Variants in WDR7 observed in about 807,000 individuals in gnomAD.
The protein encoded by WDR7 is WD repeat domain 7.
WDR7 carries 46 observed loss-of-function variants against 169.4 expected under a neutral mutation model. The observed-to-expected ratio is 0.27, with a 90% CI of 0.21 to 0.35. The LOEUF (loss-of-function observed/expected upper bound fraction) is 0.35. Ranked by LOEUF, WDR7 falls within the 10% of genes least tolerant of loss-of-function variation. WDR7 has a pLI of 1.00. For missense variants in WDR7, 1,534 were observed against 1,859.3 expected (o/e 0.83, Z 3.22); for synonymous variants, 612 against 666.8 (o/e 0.92, Z 1.27).
rs562048839 is a variant in WDR7 at position 56,702,944 on chromosome 18, G to A, written c.1578+6482G>A. The stretch of plus-strand genomic sequence containing the variant: ...AGAATTATTCAGAACAGAAGTTTTC[G>A]AAAATGCCGAAAAATAAACTGTTTA... On this transcript the variant is annotated intron_variant, in intron 12 of 27. Transcript: ENST00000254442. Among the ~76,000 whole-genome samples, 4 of 152,234 alleles carry A rather than the reference G, an allele frequency of 2.6e-5. No homozygotes were observed. In the East Asian group the frequency reaches 7.7e-4, roughly 29 times the overall value.
At chr18:56,883,170 A>G (rs1393235982) in intron 21 of WDR7, among the ~76,000 whole-genome samples, 1 of 148,932 alleles carries the variant, frequency 6.7e-6, no homozygotes, top group Non-Finnish European at 1.5e-5. Flanking sequence ...AGGTGGCGCC[A>G]CTGCCCTCCA....
chr18:56,692,547 T>A (rs1311359791), intron 9 of WDR7, among the ~76,000 whole-genome samples: 1 of 151,748 alleles, frequency 6.6e-6, no homozygotes, highest in African/African-American at 2.4e-5. Flanking sequence ...AATTGTTCTT[T>A]CCATGAATAT....
chr18:57,024,115 A>G (rs565007949), intron 27 of WDR7, among the ~76,000 whole-genome samples: 2 of 152,302 alleles, frequency 1.3e-5, no homozygotes, highest in African/African-American at 4.8e-5. Flanking sequence ...GTCTTTGGGA[A>G]AAGATATTTC....
chr18:56,802,147 A>T (rs1034036130), intron 19 of WDR7, among the ~76,000 whole-genome samples: 2 of 152,158 alleles, frequency 1.3e-5, no homozygotes, highest in African/African-American at 4.8e-5. Flanking sequence ...AACTTTAGAC[A>T]TGTTAATAAG....
intron 25 of WDR7, among the ~76,000 whole-genome samples, chr18:56,945,987 C>A (rs1483495310): frequency 1.3e-5 from 2 of 152,158 alleles, no homozygotes; most frequent in Non-Finnish European, 2.9e-5. Flanking sequence ...AGAGATACAC[C>A]ATGAGCTTTT....
At chr18:56,972,835 T>A (rs1237905812) in intron 26 of WDR7, among the ~76,000 whole-genome samples, 1 of 152,140 alleles carries the variant, frequency 6.6e-6, no homozygotes, top group East Asian at 1.9e-4. Context: ...CAAGTACTTC[T>A]TGGTTTTTTT....
chr18:56,957,758 G>A (rs2047275848), intron 25 of WDR7, among the ~76,000 whole-genome samples: 1 of 152,060 alleles, frequency 6.6e-6, no homozygotes, highest in Non-Finnish European at 1.5e-5. Context: ...ATTCTCTTTT[G>A]TGTACGCTTA....
intron 20 of WDR7, among the ~76,000 whole-genome samples, chr18:56,828,201 A>C (rs1451792044): frequency 6.6e-6 from 1 of 152,244 alleles, no homozygotes; most frequent in Non-Finnish European, 1.5e-5. Flanking sequence ...AAATTTTCAC[A>C]AATTTATAAA....
At chr18:56,815,907 G>A in intron 19 of WDR7, 124 bp from the exon 20 acceptor site, 1 of 739,004 alleles carries the variant, frequency 1.4e-6, no homozygotes, top group Non-Finnish European at 2.1e-6. Context: ...TAATTTTGGT[G>A]AACATATATA....
intron 26 of WDR7, among the ~76,000 whole-genome samples, chr18:56,994,400 C>T (rs1256146279): frequency 6.8e-6 from 1 of 147,582 alleles, no homozygotes; most frequent in Non-Finnish European, 1.5e-5. Context: ...AAGTGAAAAT[C>T]CTTGGAAACA....
intron 23 of WDR7, 77 bp from the exon 24 acceptor site, chr18:56,938,456 G>C (rs2046988210): frequency 6.5e-7 from 1 of 1,547,028 alleles, no homozygotes; most frequent in South Asian, 1.2e-5. Flanking sequence ...GTATTAGAAA[G>C]TAAAAAATAA....
intron 8 of WDR7, 103 bp downstream of exon 8, chr18:56,691,464 C>T: frequency 1.5e-6 from 2 of 1,298,314 alleles, no homozygotes; most frequent in Non-Finnish European, 2.0e-6. Context: ...AAATATTTAA[C>T]TTTGATAAAA....
In WDR7 at chr18:56,736,117, G is replaced by C. The variant is rs113783513; in HGVS notation, c.1989+4520G>C. On this transcript the variant is annotated intron_variant, in intron 14 of 27. Transcript: ENST00000254442. ...CCTTGGGCAGGTAAACTCCAGTGGT[G>C]TCCTGTCATCTTTAAAACAAACTTT... 3.5e-3 allele frequency among the ~76,000 whole-genome samples: 529 copies of C among 152,208 alleles called. 3 individuals are homozygous for C. The highest frequency in any genetic ancestry group is 0.032 in the East Asian group (164 of 5,188).
intron 20 of WDR7, among the ~76,000 whole-genome samples, chr18:56,841,596 T>C (rs2045487823): frequency 6.6e-6 from 1 of 150,774 alleles, no homozygotes; most frequent in Non-Finnish European, 1.5e-5. Flanking sequence ...ATGTACGTAA[T>C]GTAGATTGAT....
chr18:56,691,202 T>A lies in WDR7; in HGVS notation c.718-14T>A. 1 of 1,601,264 alleles carries A rather than the reference T, an allele frequency of 6.2e-7. No individual in the cohort carries two copies. Among genetic ancestry groups the A allele is most frequent in the Non-Finnish European group, 8.5e-7 (1 of 1,176,080 alleles). ...CAATATGGAGTAGATTGTGAATTTC[T>A]TTCTTCCTTGCAGGTGTTCGATGCC... On this transcript the variant is annotated splice_polypyrimidine_tract_variant and intron_variant, in intron 7 of 27. Coordinates refer to ENST00000254442, the MANE Select transcript of WDR7 (RefSeq NM_015285.3).
intron 22 of WDR7, among the ~76,000 whole-genome samples, chr18:56,934,331 C>A (rs983359826): frequency 6.6e-6 from 1 of 152,128 alleles, no homozygotes; most frequent in African/African-American, 2.4e-5. Flanking sequence ...TGGCCAACTG[C>A]CCATCTTGCT....
chr18:56,740,596 G>C (rs1360365234), intron 14 of WDR7, among the ~76,000 whole-genome samples: 2 of 152,180 alleles, frequency 1.3e-5, no homozygotes, highest in Admixed American at 1.3e-4. Flanking sequence ...ACTAACCTGA[G>C]TCAAGGCTAG....
At chr18:56,747,898 GT>G (rs1397762815) in intron 14 of WDR7, among the ~76,000 whole-genome samples, 1 of 149,294 alleles carries the variant, frequency 6.7e-6, no homozygotes, top group East Asian at 2.0e-4. Context: ...GATTAGGGCA[GT>G]TTTTTTTTTC....
chr18:56,943,127 AC>A (rs1294837893), intron 25 of WDR7, among the ~76,000 whole-genome samples: 1 of 152,230 alleles, frequency 6.6e-6, no homozygotes, highest in Non-Finnish European at 1.5e-5. Flanking sequence ...TATATGAACA[AC>A]AACAAAGGTA....
Sources: gnomAD v4.1 joint callset for allele counts (sites outside exome capture counted in the v4.1 genomes callset) on GRCh38, gnomAD v4.1.1 for gene constraint, MANE v1.5 for transcripts, NCBI Gene and HGNC (gene_info 2026-07-23, HGNC 2026-07-21) for gene names.